PPP2R2B: variants seen among roughly 807,000 people sequenced by gnomAD.
PPP2R2B encodes the protein serine/threonine-protein phosphatase 2A 55 kDa regulatory subunit B beta isoform.
A neutral mutation model predicts 46.0 loss-of-function variants in PPP2R2B; 5 were observed. The ratio of observed to expected loss-of-function variants is 0.11; its 90% CI spans 0.06 to 0.23. PPP2R2B has a LOEUF of 0.23. Ranked by LOEUF, PPP2R2B falls within the 10% of genes least tolerant of loss-of-function variation. The probability of loss-of-function intolerance (pLI) is 1.00; values close to 1 mark genes in which losing one functional copy is unlikely to be tolerated. For missense variants in PPP2R2B, 367 were observed against 575.0 expected, an observed-to-expected ratio of 0.64 and a Z score of 3.70; for synonymous variants, 215 against 206.7, an observed-to-expected ratio of 1.04 and a Z score of -0.34.
chr5:147,055,369 G>C (rs768323332), intron 1 of PPP2R2B, among the ~76,000 whole-genome samples: 2 of 152,208 alleles, frequency 1.3e-5, no homozygotes, highest in Admixed American at 1.3e-4. Flanking sequence ...TGACTTGTTT[G>C]CATGTTAAAT....
chr5:146,930,850 T>C (rs1763945446), intron 1 of PPP2R2B, among the ~76,000 whole-genome samples: 1 of 152,182 alleles, frequency 6.6e-6, no homozygotes, highest in Non-Finnish European at 1.5e-5. Context: ...ACCTTTCTCT[T>C]TTTGGAATGC....
intron 7 of PPP2R2B, among the ~76,000 whole-genome samples, chr5:146,616,545 C>A (rs1773185835): frequency 6.6e-6 from 1 of 151,900 alleles, no homozygotes; most frequent in African/African-American, 2.4e-5. Context: ...AATATCTAAT[C>A]CATTTAAAAA....
chr5:146,916,720 T>C (rs766649663), intron 1 of PPP2R2B, among the ~76,000 whole-genome samples: 3 of 152,188 alleles, frequency 2.0e-5, no homozygotes, highest in Non-Finnish European at 2.9e-5. Context: ...ATCTGTAGAC[T>C]ATGCCAGAAT....
intron 5 of PPP2R2B, among the ~76,000 whole-genome samples, chr5:146,684,320 G>T (rs776494138): frequency 6.6e-6 from 1 of 152,216 alleles, no homozygotes; most frequent in African/African-American, 2.4e-5. Flanking sequence ...GGGCAGTAAA[G>T]GCTGATCCTG....
chr5:146,669,459 A>G (rs928225489), intron 5 of PPP2R2B, among the ~76,000 whole-genome samples: 7 of 152,110 alleles, frequency 4.6e-5, no homozygotes, highest in African/African-American at 1.7e-4. Context: ...TTGTTTGCAT[A>G]GTTTATATTC....
chr5:146,767,266 T>C (rs1048951760), intron 2 of PPP2R2B, among the ~76,000 whole-genome samples: 4 of 151,958 alleles, frequency 2.6e-5, no homozygotes, highest in African/African-American at 9.7e-5. Flanking sequence ...GTTTGGGGAG[T>C]CCAAAGAATT....
At chr5:146,623,125 G>A (rs1247870987) in intron 7 of PPP2R2B, among the ~76,000 whole-genome samples, 1 of 152,130 alleles carries the variant, frequency 6.6e-6, no homozygotes, top group Non-Finnish European at 1.5e-5. Context: ...ACAGTACGTT[G>A]GATTAACACA....
chr5:146,949,391 A>G (rs1764583238), intron 1 of PPP2R2B, among the ~76,000 whole-genome samples: 1 of 152,114 alleles, frequency 6.6e-6, no homozygotes, highest in Non-Finnish European at 1.5e-5. Flanking sequence ...ACAAATAGGC[A>G]TATATAAAAG....
At chr5:146,846,480 C>A (rs1364585983) in intron 2 of PPP2R2B, among the ~76,000 whole-genome samples, 1 of 151,628 alleles carries the variant, frequency 6.6e-6, no homozygotes, top group Non-Finnish European at 1.5e-5. Flanking sequence ...GAGTTTGAGA[C>A]CAGCCTGACC....
intron 1 of PPP2R2B, among the ~76,000 whole-genome samples, chr5:147,007,900 G>A (rs564464465): frequency 7.2e-5 from 11 of 152,278 alleles, no homozygotes; most frequent in East Asian, 1.9e-4. Context: ...GTGAGGGTCC[G>A]CGGCTTCATT....
chr5:146,726,706 A>T (rs1236502443), intron 2 of PPP2R2B, among the ~76,000 whole-genome samples: 1 of 152,212 alleles, frequency 6.6e-6, no homozygotes, highest in Non-Finnish European at 1.5e-5. Context: ...CAACAAAACC[A>T]TTCTGAATCT....
intron 1 of PPP2R2B, among the ~76,000 whole-genome samples, chr5:147,038,896 A>C (rs1163083016): frequency 6.6e-6 from 1 of 152,216 alleles, no homozygotes; most frequent in Non-Finnish European, 1.5e-5. Context: ...TCTAACTGCT[A>C]AGATACACTG....
intron 2 of PPP2R2B, among the ~76,000 whole-genome samples, chr5:146,827,378 A>G (rs183235781): frequency 6.6e-6 from 1 of 152,324 alleles, no homozygotes; most frequent in East Asian, 1.9e-4. Context: ...AGATCAAGGC[A>G]TAGAGTAAGG....
intron 1 of PPP2R2B, among the ~76,000 whole-genome samples, chr5:146,903,247 A>G (rs113179865): frequency 1.2e-4 from 18 of 152,318 alleles, no homozygotes; most frequent in African/African-American, 3.8e-4. Context: ...CTGTCAATAG[A>G]CATTAACCAC....
chr5:146,591,515 C>T (rs1038877198), intron 9 of PPP2R2B, among the ~76,000 whole-genome samples: 1 of 152,026 alleles, frequency 6.6e-6, no homozygotes, highest in Non-Finnish European at 1.5e-5. Flanking sequence ...TGCTCAGTGT[C>T]ACATTGCTAA....
chr5:146,664,717 A>T (rs1361242520), intron 5 of PPP2R2B, among the ~76,000 whole-genome samples: 1 of 152,126 alleles, frequency 6.6e-6, no homozygotes, highest in Non-Finnish European at 1.5e-5. Flanking sequence ...GAAGATGTTC[A>T]ATTTACTTTG....
intron 2 of PPP2R2B, among the ~76,000 whole-genome samples, chr5:146,819,106 T>C (rs890691251): frequency 6.6e-6 from 1 of 152,230 alleles, no homozygotes; most frequent in African/African-American, 2.4e-5. Flanking sequence ...AAATCAGCTC[T>C]AATTCTTTCT....
intron 1 of PPP2R2B, chr5:147,055,621 C>G: frequency 6.5e-7 from 1 of 1,545,314 alleles, no homozygotes; most frequent in Non-Finnish European, 8.9e-7. Flanking sequence ...GACACCAGCC[C>G]ACTTTTCCCA....
intron 1 of PPP2R2B, among the ~76,000 whole-genome samples, chr5:147,022,261 T>C (rs1755308010): frequency 6.6e-6 from 1 of 151,922 alleles, no homozygotes; most frequent in Admixed American, 6.6e-5. Flanking sequence ...ATAGAAATCA[T>C]AGCTAAAATT....
Sources: gnomAD v4.1 joint callset for allele counts (sites outside exome capture counted in the v4.1 genomes callset) on GRCh38, gnomAD v4.1.1 for gene constraint, MANE v1.5 for transcripts, NCBI Gene and HGNC (gene_info 2026-07-23, HGNC 2026-07-21) for gene names.